The following CDH23 variants were observed in gnomAD, a reference collection of about 807,000 sequenced individuals.
The protein encoded by CDH23 is cadherin-23.
In CDH23, 189 loss-of-function variants were observed where a neutral mutation model predicts 317.1. That is an observed-to-expected ratio of 0.60 (90% CI 0.53 to 0.67). The LOEUF is 0.67. CDH23 is among the 30% of genes least tolerant of loss of function. CDH23 has a pLI of 0.00. For missense variants in CDH23, 4,401 were observed against 4,592.4 expected, an observed-to-expected ratio of 0.96 and a Z score of 1.20; for synonymous variants, 1,839 against 1,876.8, an observed-to-expected ratio of 0.98 and a Z score of 0.52.
At chr10:71,602,889 CA>C (rs1054220091) in intron 9 of CDH23, among the ~76,000 whole-genome samples, 1 of 152,228 alleles carries the variant, frequency 6.6e-6, no homozygotes, top group Non-Finnish European at 1.5e-5. Context: ...AGAATGTCCA[CA>C]AGCCCCAAAT....
chr10:71,793,528 C>T lies in CDH23; in HGVS notation c.6600C>T (p.Asp2200=), dbSNP rs987225287. 6.2e-7 allele frequency: 1 copy of T among 1,613,860 alleles called. No individual in the cohort carries two copies. The highest frequency in any genetic ancestry group is 1.7e-5 in the Admixed American group (1 of 60,018). Residue 2200 remains aspartate (D), a synonymous_variant, in exon 48 of 70, where the codon GAC becomes GAT. Transcript: ENST00000224721. The stretch of plus-strand genomic sequence containing the variant: ...TCATTGCCAATATCACGGCCATTGA[C>T]CACGACCTCAACCCAAAGCTAGAGT... ...GTVIANITAI[D]HDLNPKLEYH...
chr10:71,598,633 G>C (rs1322098630), intron 9 of CDH23, among the ~76,000 whole-genome samples: 1 of 152,244 alleles, frequency 6.6e-6, no homozygotes, highest in Non-Finnish European at 1.5e-5. Flanking sequence ...CCACGCATCT[G>C]TAGGGTGGCC....
rs1488991483 is a variant in CDH23, at chr10:71,716,223, G to A, written c.3369+3410G>A. On this transcript the variant is annotated intron_variant, in intron 28 of 69. Coordinates refer to ENST00000224721, the MANE Select transcript of CDH23 (RefSeq NM_022124.6). ...AGGAAGATGCAGGCCAGGGCGATGAGCATGGGGAGGGGGTCAGTTGCCTCT... is the reference window on the plus strand; with the variant it reads ...AGGAAGATGCAGGCCAGGGCGATGAACATGGGGAGGGGGTCAGTTGCCTCT... The A allele has an allele frequency of 3.2e-6, 5 of 1,550,778 alleles. No individual in the cohort carries two copies. In the Admixed American group the frequency reaches 7.9e-5, roughly 24 times the overall value.
intron 7 of CDH23, among the ~76,000 whole-genome samples, chr10:71,569,228 C>G (rs1857613779): frequency 6.6e-6 from 1 of 152,202 alleles, no homozygotes; most frequent in Admixed American, 6.5e-5. Flanking sequence ...CACTCCCATC[C>G]CTAAAGGCCC....
intron 6 of CDH23, among the ~76,000 whole-genome samples, chr10:71,520,905 C>A (rs566901202): frequency 3.3e-5 from 5 of 152,180 alleles, no homozygotes; most frequent in African/African-American, 1.2e-4. Flanking sequence ...CTGCCTGACC[C>A]ACCTTGTTTT....
chr10:71,728,844 C>A lies in CDH23; in HGVS notation c.3580-1625C>A, dbSNP rs546242728. Among the ~76,000 whole-genome samples the A allele has an allele frequency of 1.5e-3, 230 of 152,270 alleles. 1 individual carries two copies. The highest frequency in any genetic ancestry group is 5.0e-3 in the African/African-American group (208 of 41,550). ...TCAGCCTCCCTAGTAGCTGGGATTACAGATGCATGTCACCACCCCCGGCTA... is the reference window on the plus strand; with the variant it reads ...TCAGCCTCCCTAGTAGCTGGGATTAAAGATGCATGTCACCACCCCCGGCTA... On this transcript the variant is annotated intron_variant, in intron 30 of 69. Coordinates refer to ENST00000224721, the MANE Select transcript of CDH23 (RefSeq NM_022124.6).
chr10:71,678,946 A>C (rs1864490473), intron 16 of CDH23, among the ~76,000 whole-genome samples: 1 of 152,158 alleles, frequency 6.6e-6, no homozygotes, highest in East Asian at 1.9e-4. Context: ...ATTAGATAAG[A>C]AATTACCACT....
At chr10:71,645,234 G>C (rs1001164570) in intron 12 of CDH23, among the ~76,000 whole-genome samples, 2 of 152,172 alleles carry the variant, frequency 1.3e-5, no homozygotes, top group African/African-American at 4.8e-5. Context: ...GGGATCCTGG[G>C]CCCCCCGGGA....
At chr10:71,787,194 G>A (rs746270983) in intron 44 of CDH23, among the ~76,000 whole-genome samples, 4 of 152,144 alleles carry the variant, frequency 2.6e-5, no homozygotes, top group African/African-American at 4.8e-5. Context: ...CCTCCGTGAA[G>A]GAGTTAAATC....
chr10:71,725,451 G>A lies in CDH23; in HGVS notation c.3510G>A (p.Arg1170=). The A allele has an allele frequency of 6.2e-7, 1 of 1,614,046 alleles. No homozygotes were observed. Among genetic ancestry groups the A allele is most frequent in the Non-Finnish European group, 8.5e-7 (1 of 1,179,894 alleles). The change falls in exon 30 of 70, where the codon CGG becomes CGA. Residue 1170 remains arginine, a synonymous_variant. Transcript: ENST00000224721. ...MRGPRPLDRE[R]NSSHVLIVEA... ...GGCCCCGGCCCCTGGACCGGGAGCG[G>A]AACTCATCCCACGTGCTGATAGTGG...
chr10:71,770,508 C>G (rs1364009009), intron 38 of CDH23, among the ~76,000 whole-genome samples: 3 of 152,242 alleles, frequency 2.0e-5, no homozygotes. Context: ...CTAAGGGCAT[C>G]TGTGGGGCCA....
chr10:71,688,947 G>GA (rs1392554423), intron 19 of CDH23, among the ~76,000 whole-genome samples: 1 of 71,990 alleles, frequency 1.4e-5, no homozygotes, highest in Admixed American at 1.4e-4. Flanking sequence ...GGAGCCAACG[G>GA]TGGTGGAGTC....
chr10:71,708,992 A>G (rs2132751000), intron 26 of CDH23, 106 bp from the exon 27 acceptor site: 1 of 987,120 alleles, frequency 1.0e-6, no homozygotes, highest in Admixed American at 2.0e-5. Flanking sequence ...ACAGCCTCCC[A>G]CTCCTGGACT....
At chr10:71,710,231 G>A (rs976207344) in intron 27 of CDH23, among the ~76,000 whole-genome samples, 21 of 152,284 alleles carry the variant, frequency 1.4e-4, no homozygotes, top group African/African-American at 4.3e-4. Context: ...CAAGTGCAGC[G>A]GCATGGAAGA....
chr10:71,713,344 C>G, intron 28 of CDH23: 1 of 771,186 alleles, frequency 1.3e-6, no homozygotes, highest in African/African-American at 1.7e-5. Flanking sequence ...GCACCCACAC[C>G]TCTGCCCAGA....
At chr10:71,472,206 C>T (rs1564601768) in intron 3 of CDH23, among the ~76,000 whole-genome samples, 1 of 152,128 alleles carries the variant, frequency 6.6e-6, no homozygotes, top group Non-Finnish European at 1.5e-5. Context: ...AACAGGAGGC[C>T]CTGGCAGGAG....
At chr10:71,520,811 T>C (rs1589159513) in intron 6 of CDH23, among the ~76,000 whole-genome samples, 1 of 152,150 alleles carries the variant, frequency 6.6e-6, no homozygotes, top group East Asian at 1.9e-4. Context: ...TCAAGTATTA[T>C]CCAAACAGCC....
At chr10:71,565,076 GC>G (rs1409544041) in intron 6 of CDH23, among the ~76,000 whole-genome samples, 4 of 152,180 alleles carry the variant, frequency 2.6e-5, no homozygotes, top group Non-Finnish European at 5.9e-5. Flanking sequence ...GGAGCCGTGG[GC>G]CCCCATGAAG....
At chr10:71,810,641 G>A in intron 62 of CDH23, 72 bp downstream of exon 62, 1 of 1,391,428 alleles carries the variant, frequency 7.2e-7, no homozygotes, top group South Asian at 1.2e-5. Context: ...GTAGGGGAGG[G>A]GACACACCAA....
Sources: allele counts gnomAD v4.1 joint callset (sites outside exome capture counted in the v4.1 genomes callset), GRCh38; gene constraint gnomAD v4.1.1; transcripts MANE v1.5; gene names NCBI Gene and HGNC (gene_info 2026-07-23, HGNC 2026-07-21).